The following SCAP variants were observed in gnomAD, a reference collection of about 807,000 sequenced individuals.
SCAP encodes SREBF chaperone.
SCAP carries 65 observed loss-of-function variants against 123.6 expected under a neutral mutation model. The ratio of observed to expected loss-of-function variants is 0.53; its 90% CI spans 0.43 to 0.65. The LOEUF (loss-of-function observed/expected upper bound fraction) is 0.65. Among genes scored for constraint, SCAP ranks in the 30% least tolerant of loss-of-function variants. SCAP has a pLI of 0.00. For synonymous variants in SCAP, 740 were observed against 726.3 expected (o/e 1.02, Z -0.30); for missense variants, 1,398 against 1,712.5 (o/e 0.82, Z 3.24).
Position 47,468,921 on chromosome 3 carries a change from T to C in SCAP, c.-99+6878A>G, listed in dbSNP as rs183474418. 2.3e-4 allele frequency among the ~76,000 whole-genome samples: 35 copies of C among 152,370 alleles called. 1 individual carries two copies. The East Asian group carries it at 6.7e-3, about 29-fold the overall frequency. ...ATAAGGTGTAAGGAAGGGATCCAGT[T>C]TCAGCTTTCTACATATGGCTCCTGG... On this transcript the variant is annotated intron_variant, in intron 1 of 22. Coordinates refer to ENST00000265565, the MANE Select transcript of SCAP (RefSeq NM_012235.4).
At chr3:47,456,705 C>T (rs1707438664) in intron 1 of SCAP, among the ~76,000 whole-genome samples, 2 of 151,898 alleles carry the variant, frequency 1.3e-5, no homozygotes, top group Admixed American at 6.6e-5. Flanking sequence ...GCGGAGGTTG[C>T]AGTGAGCCGA....
intron 16 of SCAP, 58 bp downstream of exon 16, chr3:47,418,076 G>A (rs1373909019): frequency 3.2e-6 from 4 of 1,232,248 alleles, no homozygotes; most frequent in African/African-American, 2.2e-5. Flanking sequence ...CGTGGCGGCG[G>A]GGGGTGGGGT....
chr3:47,434,064 A>G (rs1706471478), intron 3 of SCAP, among the ~76,000 whole-genome samples: 1 of 151,966 alleles, frequency 6.6e-6, no homozygotes, highest in African/African-American at 2.4e-5. Flanking sequence ...AGGGTGGTGC[A>G]CTCCCCACTG....
At chr3:47,475,037 T>C (rs2108046880) in intron 1 of SCAP, among the ~76,000 whole-genome samples, 1 of 152,266 alleles carries the variant, frequency 6.6e-6, no homozygotes, top group South Asian at 2.1e-4. Context: ...CGCTTCACGA[T>C]AAGTATTACA....
intron 1 of SCAP, among the ~76,000 whole-genome samples, chr3:47,450,084 G>A (rs1338176182): frequency 1.6e-5 from 2 of 123,088 alleles, no homozygotes; most frequent in African/African-American, 2.8e-5. Context: ...CGCAACCTCC[G>A]CCTCCTGGGC....
In SCAP at chr3:47,414,632, C is replaced by A. The variant is rs140861904; in HGVS notation, c.3327G>T (p.Ser1109=). 4.1e-3 allele frequency: 6,651 copies of A among 1,613,330 alleles called. 21 individuals are homozygous for A. Among genetic ancestry groups the A allele is most frequent in the Middle Eastern group, 5.1e-3 (31 of 6,062 alleles). ...GGCCCTGAAGGGTGAAGAGGCAGCA[C>A]GAGTCCTCCAGACGGAACACCTGGG... is the stretch of plus-strand genomic sequence containing the variant. ...HTLRVFRLED[S]CCLFTLQGHS... Residue 1109 remains serine, a synonymous_variant, in exon 21 of 23, where the codon TCG becomes TCT. Coordinates refer to ENST00000265565, the MANE Select transcript of SCAP (RefSeq NM_012235.4).
At chr3:47,463,441 C>T (rs1489432166) in intron 1 of SCAP, among the ~76,000 whole-genome samples, 1 of 152,178 alleles carries the variant, frequency 6.6e-6, no homozygotes, top group Non-Finnish European at 1.5e-5. Context: ...GTGGCTCGTG[C>T]CTGTAATCCC....
intron 1 of SCAP, among the ~76,000 whole-genome samples, chr3:47,453,904 A>G (rs1707311549): frequency 6.6e-6 from 1 of 152,148 alleles, no homozygotes; most frequent in African/African-American, 2.4e-5. Context: ...CAGGCACTAG[A>G]TAAAATGCTA....
chr3:47,427,163 T>C lies in SCAP; in HGVS notation c.731A>G (p.His244Arg). Reference sequence around the variant, plus strand: ...AGGGTACTGTCAATCTTACTTGGCATGGTAGTGCTGGAAGACCAGGGTGAT... The same window carrying C: ...AGGGTACTGTCAATCTTACTTGGCACGGTAGTGCTGGAAGACCAGGGTGAT... Reference protein sequence around the residue: ...YTITLVFQHYHAKFLGSLRAR... With the variant: ...YTITLVFQHYRAKFLGSLRAR... The change falls in exon 6 of 23, where the codon CAT becomes CGT. Residue 244 changes from histidine (H) to arginine (R), a missense_variant. His to Arg is a conservative substitution (Grantham distance 29). Transcript: ENST00000265565. The C allele has an allele frequency of 6.8e-6, 11 of 1,612,244 alleles. No homozygotes were observed. The highest frequency in any genetic ancestry group is 9.3e-6 in the Non-Finnish European group (11 of 1,178,326).
intron 1 of SCAP, among the ~76,000 whole-genome samples, chr3:47,467,724 C>G (rs1707875583): frequency 6.6e-6 from 1 of 152,120 alleles, no homozygotes; most frequent in African/African-American, 2.4e-5. Context: ...ATTGAAATCA[C>G]AATGAGATAC....
chr3:47,422,635 GC>G, intron 9 of SCAP, 99 bp from the exon 10 acceptor site: 8 of 916,718 alleles, frequency 8.7e-6, no homozygotes, highest in Admixed American at 2.4e-5. Flanking sequence ...GCATGGCAAG[GC>G]CCCCCAGCCC....
Position 47,420,644 on chromosome 3 carries a change from C to G in SCAP, c.1473G>C (p.Gln491His). The change falls in exon 12 of 23, where the codon CAG becomes CAC. Residue 491 changes from glutamine (Q) to histidine (H), a missense_variant. Around this residue, in one of 7 missense-constraint regions of SCAP, gnomAD observed 828 missense variants for 882.5 expected, o/e 0.94. Transcript: ENST00000265565. This position sits in a 1 kb window ranked among gnomAD's most constrained non-coding sequence, Gnocchi z 5.0. ...RPSTPHTITL[Q>H]PSSFRNLRLP... ...GCCGCAGGTTTCGGAAGGAAGACGG[C>G]TGCAACGTGATGGTGTGGGGTGTGG... 1 of 1,612,210 alleles carries G rather than the reference C, an allele frequency of 6.2e-7. No homozygotes were observed. Among genetic ancestry groups the G allele is most frequent in the South Asian group, 1.1e-5 (1 of 91,008 alleles).
rs765477644 is a variant in SCAP, at chr3:47,419,547, T to C, written c.1721A>G (p.Asp574Gly). Residue 574 changes from aspartate (D) to glycine (G), a missense_variant, in exon 13 of 23, where the codon GAC (aspartate) becomes GGC (glycine). Physicochemically the swap from Asp to Gly is moderately conservative, Grantham distance 94 (BLOSUM62 -1). This residue lies in a region of SCAP where 828 missense variants were observed against 882.5 expected (regional missense o/e 0.94). Transcript: ENST00000265565. This position sits in a 1 kb window ranked among gnomAD's most constrained non-coding sequence, Gnocchi z 5.0. ...AGGTGGGAAGATGGAGAAGGCAGGG[T>C]CCGGGTGGCTGGGGGGCAGCATGCC... ...PSGMLPPSHP[D>G]PAFSIFPPDA... The C allele has an allele frequency of 3.7e-6, 6 of 1,613,236 alleles. No individual in the cohort carries two copies. In the Admixed American group the frequency reaches 6.7e-5, roughly 18 times the overall value.
rs1576246386 is a variant in SCAP, at chr3:47,417,287, T to C, written c.2970+17A>G. On this transcript the variant is annotated intron_variant, in intron 17 of 22. Transcript: ENST00000265565. The stretch of plus-strand genomic sequence containing the variant: ...GGGCGGACAGCCGCTCTGCCCACCT[T>C]TAGCCCCTCTGCCCACCTCCAGCCG... 1.9e-6 allele frequency: 3 copies of C among 1,612,118 alleles called. No homozygotes were observed. Among genetic ancestry groups the C allele is most frequent in the Non-Finnish European group, 1.7e-6 (2 of 1,179,698 alleles).
intron 2 of SCAP, among the ~76,000 whole-genome samples, chr3:47,435,465 A>AACACACACACACACACAC (rs749684765): frequency 1.1e-4 from 13 of 121,480 alleles, no homozygotes; most frequent in East Asian, 2.4e-4. Flanking sequence ...ATATAATATA[A>AACACACACACACACACAC]ACATACACAC....
Position 47,442,884 on chromosome 3 carries a change from A to G in SCAP, c.110T>C (p.Ile37Thr). The G allele has an allele frequency of 6.2e-7, 1 of 1,614,188 alleles. No individual in the cohort carries two copies. The highest frequency in any genetic ancestry group is 8.5e-7 in the Non-Finnish European group (1 of 1,180,006). The stretch of plus-strand genomic sequence containing the variant: ...CCCAAAAACATACCAGCAGGCTAAG[A>G]TGCAGAACCCTGTGAAGAGGATGAT... Reference protein sequence around the residue: ...IPIILFTGFCILACCYPLLKL... With the variant: ...IPIILFTGFCTLACCYPLLKL... The change falls in exon 2 of 23, where the codon ATC becomes ACC. Residue 37 changes from isoleucine to threonine, a missense_variant. Physicochemically the swap from Ile to Thr is moderately conservative, Grantham distance 89 (BLOSUM62 -1). Around this residue, in one of 7 missense-constraint regions of SCAP, gnomAD observed 319 missense variants for 432.4 expected, o/e 0.74. Transcript: ENST00000265565.
chr3:47,424,773 C>T (rs551257342), intron 8 of SCAP, among the ~76,000 whole-genome samples: 31 of 152,260 alleles, frequency 2.0e-4, no homozygotes, highest in African/African-American at 6.7e-4. Context: ...AAACAAAATA[C>T]GACGTCGCTT....
At chr3:47,447,696 AAAAG>A (rs1707097325) in intron 1 of SCAP, among the ~76,000 whole-genome samples, 1 of 151,478 alleles carries the variant, frequency 6.6e-6, no homozygotes. Flanking sequence ...CTCAAAAAAA[AAAAG>A]AAAAGAAAAG....
intron 1 of SCAP, among the ~76,000 whole-genome samples, chr3:47,453,085 G>C (rs1707284664): frequency 6.6e-6 from 1 of 152,102 alleles, no homozygotes; most frequent in Non-Finnish European, 1.5e-5. Context: ...AGAAGAGCAA[G>C]GCCTATCTCA....
Sources: allele counts gnomAD v4.1 joint callset (sites outside exome capture counted in the v4.1 genomes callset), GRCh38; gene constraint gnomAD v4.1.1; regional missense constraint gnomAD v4.1.1; non-coding constraint Gnocchi (gnomAD v3.1); transcripts MANE v1.5; gene names NCBI Gene and HGNC (gene_info 2026-07-23, HGNC 2026-07-21).